The following PDE4D variants were observed in gnomAD, a reference collection of about 807,000 sequenced individuals.
The protein encoded by PDE4D is phosphodiesterase 4D.
A neutral mutation model predicts 87.4 loss-of-function variants in PDE4D; 24 were observed. The observed-to-expected ratio is 0.27, with a 90% CI of 0.20 to 0.39. PDE4D has a LOEUF of 0.39. Ranked by LOEUF, PDE4D falls within the 10% of genes least tolerant of loss-of-function variation. The pLI is 1.00. For missense variants in PDE4D, 714 were observed against 1,041.0 expected, an observed-to-expected ratio of 0.69 and a Z score of 4.32; for synonymous variants, 384 against 383.2, an observed-to-expected ratio of 1.00 and a Z score of -0.02.
At chr5:59,528,100 C>T (rs573740156) in intron 1 of PDE4D, among the ~76,000 whole-genome samples, 2 of 152,186 alleles carry the variant, frequency 1.3e-5, no homozygotes, top group South Asian at 2.1e-4. Context: ...GAACAAAACC[C>T]TTGGTGACAG....
At chr5:60,423,266 T>G (rs943562530) in intron 1 of PDE4D, among the ~76,000 whole-genome samples, 1 of 152,190 alleles carries the variant, frequency 6.6e-6, no homozygotes, top group Non-Finnish European at 1.5e-5. Flanking sequence ...ACATCACACT[T>G]ATTCTAAAAT....
intron 3 of PDE4D, among the ~76,000 whole-genome samples, chr5:59,949,111 T>C (rs546814802): frequency 6.6e-6 from 1 of 152,216 alleles, no homozygotes; most frequent in Non-Finnish European, 1.5e-5. Context: ...TGTGTGCGCA[T>C]GCACATTTGT....
At chr5:60,331,765 G>T (rs1447644495) in intron 1 of PDE4D, among the ~76,000 whole-genome samples, 1 of 152,166 alleles carries the variant, frequency 6.6e-6, no homozygotes. Flanking sequence ...AAGTCTAAGG[G>T]CAGTATGGTT....
chr5:59,864,902 C>T (rs564048452), intron 1 of PDE4D, among the ~76,000 whole-genome samples: 10 of 152,226 alleles, frequency 6.6e-5, no homozygotes, highest in Non-Finnish European at 1.3e-4. Context: ...ACTCAGAGCA[C>T]GGTAGGATGC....
intron 5 of PDE4D, among the ~76,000 whole-genome samples, chr5:59,166,969 A>G (rs943489457): frequency 6.6e-6 from 1 of 152,162 alleles, no homozygotes; most frequent in African/African-American, 2.4e-5. Flanking sequence ...ATAATATAAT[A>G]ATATTTATTG....
intron 1 of PDE4D, among the ~76,000 whole-genome samples, chr5:60,390,176 G>T (rs1337724631): frequency 2.0e-5 from 3 of 152,140 alleles, no homozygotes; most frequent in African/African-American, 7.2e-5. Flanking sequence ...TTCCTCCCCT[G>T]CTGGAGTCAC....
intron 1 of PDE4D, among the ~76,000 whole-genome samples, chr5:59,614,824 G>A (rs1435791363): frequency 6.6e-6 from 1 of 151,478 alleles, no homozygotes; most frequent in Non-Finnish European, 1.5e-5. Flanking sequence ...TATTCAAAAT[G>A]TGGCTTTCAT....
At chr5:59,977,084 A>T (rs1761416482) in intron 3 of PDE4D, among the ~76,000 whole-genome samples, 1 of 152,210 alleles carries the variant, frequency 6.6e-6, no homozygotes, top group South Asian at 2.1e-4. Context: ...TAAGTGTTCA[A>T]GTGAAAGGAA....
intron 2 of PDE4D, among the ~76,000 whole-genome samples, chr5:60,148,164 G>A (rs1439875247): frequency 6.6e-6 from 1 of 152,130 alleles, no homozygotes; most frequent in Non-Finnish European, 1.5e-5. Flanking sequence ...CCAAGCAGTA[G>A]TTCCTAACTT....
At chr5:60,285,736 G>A (rs1752361374) in intron 1 of PDE4D, among the ~76,000 whole-genome samples, 1 of 152,180 alleles carries the variant, frequency 6.6e-6, no homozygotes, top group Non-Finnish European at 1.5e-5. Flanking sequence ...TTCACAGAGT[G>A]ACGTGGTGCC....
intron 1 of PDE4D, among the ~76,000 whole-genome samples, chr5:60,509,604 ATCTT>A (rs1333544063): frequency 6.6e-6 from 1 of 151,928 alleles, no homozygotes. Flanking sequence ...CTCTCATTTC[ATCTT>A]TCTTTCCCTT....
chr5:60,505,831 A>C (rs1750295690), intron 1 of PDE4D, among the ~76,000 whole-genome samples: 1 of 152,202 alleles, frequency 6.6e-6, no homozygotes, highest in South Asian at 2.1e-4. Flanking sequence ...TTCAGTCTGC[A>C]TTCATACATA....
chr5:59,786,301 AT>A (rs1158822279), intron 1 of PDE4D, among the ~76,000 whole-genome samples: 1 of 152,332 alleles, frequency 6.6e-6, no homozygotes, highest in Middle Eastern at 3.4e-3. Context: ...CTAAACAGGG[AT>A]TTAGAAAGAT....
chr5:60,466,878 T>C (rs760250536), intron 1 of PDE4D, among the ~76,000 whole-genome samples: 18 of 151,946 alleles, frequency 1.2e-4, no homozygotes, highest in African/African-American at 3.1e-4. Flanking sequence ...GGGATACAAA[T>C]TCCCAGCCCA....
intron 1 of PDE4D, among the ~76,000 whole-genome samples, chr5:59,847,357 G>T (rs1487393381): frequency 6.6e-6 from 1 of 151,988 alleles, no homozygotes; most frequent in African/African-American, 2.4e-5. Flanking sequence ...CTATAAAGTA[G>T]ATTTCAGTCC....
intron 1 of PDE4D, among the ~76,000 whole-genome samples, chr5:59,741,310 C>T (rs938179125): frequency 1.3e-5 from 2 of 152,124 alleles, no homozygotes; most frequent in Non-Finnish European, 2.9e-5. Flanking sequence ...TATGTCACTA[C>T]GCAGGTGAAA....
At chr5:60,477,322 A>T (rs1748406468) in intron 1 of PDE4D, among the ~76,000 whole-genome samples, 1 of 152,178 alleles carries the variant, frequency 6.6e-6, no homozygotes, top group Non-Finnish European at 1.5e-5. Context: ...GCTTAAACTC[A>T]ATTTGCTTTA....
At chr5:59,858,716 A>C (rs1745822372) in intron 1 of PDE4D, among the ~76,000 whole-genome samples, 1 of 152,134 alleles carries the variant, frequency 6.6e-6, no homozygotes, top group South Asian at 2.1e-4. Context: ...AAAAATAATA[A>C]ATAATTTCTT....
chr5:59,029,940 G>A (rs1161775397), intron 6 of PDE4D, among the ~76,000 whole-genome samples: 1 of 150,224 alleles, frequency 6.7e-6, no homozygotes, highest in East Asian at 2.1e-4. Context: ...ATGGAGAGAG[G>A]ACAGTCTCTT....
Sources: allele counts gnomAD v4.1 joint callset (sites outside exome capture counted in the v4.1 genomes callset), GRCh38; gene constraint gnomAD v4.1.1; transcripts MANE v1.5; gene names NCBI Gene and HGNC (gene_info 2026-07-23, HGNC 2026-07-21).